ACTA2: variants seen among roughly 807,000 people sequenced by gnomAD.
ACTA2 encodes the protein actin, aortic smooth muscle.
In ACTA2, 12 loss-of-function variants were observed where a neutral mutation model predicts 39.5. That is an observed-to-expected ratio of 0.30 (90% CI 0.19 to 0.49). The LOEUF is 0.49. ACTA2 is among the 20% of genes least tolerant of loss of function. ACTA2 has a pLI of 0.99. For missense variants in ACTA2, 236 were observed against 498.8 expected (o/e 0.47, Z 5.02); for synonymous variants, 158 against 180.6 (o/e 0.88, Z 1.00).
At chr10:88,951,942 C>G (rs1040739143) in intron 1 of ACTA2, among the ~76,000 whole-genome samples, 3 of 152,216 alleles carry the variant, frequency 2.0e-5, no homozygotes, top group African/African-American at 7.2e-5. Flanking sequence ...GCTGGCTGCA[C>G]AGTCACACTT....
intron 1 of ACTA2, chr10:88,989,342 T>A: frequency 3.1e-6 from 1 of 326,442 alleles, no homozygotes; most frequent in Admixed American, 3.9e-5. Context: ...TCCTTCTTTT[T>A]ACATTTTTTT....
chr10:88,956,522 T>C (rs1466901561), upstream of ACTA2, among the ~76,000 whole-genome samples: 2 of 152,208 alleles, frequency 1.3e-5, no homozygotes, highest in Admixed American at 1.3e-4. Context: ...GATTTAATCA[T>C]ATCTGCAAAG....
upstream of ACTA2, among the ~76,000 whole-genome samples, chr10:88,953,955 T>C (rs1411576217): frequency 6.6e-6 from 1 of 152,202 alleles, no homozygotes; most frequent in East Asian, 1.9e-4. Context: ...GTCTTGGGTA[T>C]GTCTTTATAG....
At chr10:88,938,351 GA>G in intron 7 of ACTA2, 109 bp from the exon 8 acceptor site, 1 of 1,242,584 alleles carries the variant, frequency 8.0e-7, no homozygotes, top group South Asian at 1.2e-5. Flanking sequence ...CTGAGGCTGG[GA>G]AGACATAATA....
intron 1 of ACTA2, among the ~76,000 whole-genome samples, chr10:88,978,862 T>C (rs1846638636): frequency 6.6e-6 from 1 of 152,060 alleles, no homozygotes; most frequent in African/African-American, 2.4e-5. Context: ...TTCCTTATTC[T>C]TTCTGTCCTT....
intron 1 of ACTA2, among the ~76,000 whole-genome samples, chr10:88,983,854 C>G (rs897626039): frequency 6.6e-6 from 1 of 152,096 alleles, no homozygotes; most frequent in African/African-American, 2.4e-5. Flanking sequence ...GATTTCAAAG[C>G]CAGGTGGAGG....
chr10:88,985,808 T>C (rs1301457442), intron 1 of ACTA2, among the ~76,000 whole-genome samples: 1 of 152,204 alleles, frequency 6.6e-6, no homozygotes, highest in Non-Finnish European at 1.5e-5. Flanking sequence ...CTGGAGGTTG[T>C]TTGGGGGCAG....
At chr10:88,970,365 A>C (rs1846406047) in intron 1 of ACTA2, among the ~76,000 whole-genome samples, 1 of 151,926 alleles carries the variant, frequency 6.6e-6, no homozygotes, top group Admixed American at 6.6e-5. Flanking sequence ...GTTCCTTTTG[A>C]ATGCAGCAAA....
chr10:88,975,763 G>A (rs545661623), intron 1 of ACTA2, among the ~76,000 whole-genome samples: 1 of 152,274 alleles, frequency 6.6e-6, no homozygotes, highest in Non-Finnish European at 1.5e-5. Flanking sequence ...GGAGATACTT[G>A]ACAGAGCAGG....
intron 1 of ACTA2, chr10:88,974,215 C>T (rs547969149): frequency 1.6e-4 from 24 of 151,380 alleles, no homozygotes; most frequent in African/African-American, 5.3e-4. Context: ...CCCTGACTAA[C>T]GTGGGTGGAA....
chr10:88,958,970 C>G (rs867133541), intron 1 of ACTA2, among the ~76,000 whole-genome samples: 1 of 152,164 alleles, frequency 6.6e-6, no homozygotes, highest in Non-Finnish European at 1.5e-5. Context: ...GTATATTACT[C>G]ATAGGGACTC....
chr10:88,964,434 A>G (rs897089343), intron 1 of ACTA2, among the ~76,000 whole-genome samples: 1 of 152,164 alleles, frequency 6.6e-6, no homozygotes, highest in African/African-American at 2.4e-5. Flanking sequence ...GGGGTGGCAA[A>G]TTGTGGGAAA....
chr10:88,939,420 G>A (rs745368973), intron 7 of ACTA2, 87 bp downstream of exon 7: 60 of 1,560,478 alleles, frequency 3.8e-5, no homozygotes, highest in African/African-American at 1.4e-4. Context: ...TGGGGCAACC[G>A]TCACTTGTCT....
chr10:88,935,191 G>C lies in ACTA2; in HGVS notation c.*32C>G. 1 of 1,611,372 alleles carries C rather than the reference G, an allele frequency of 6.2e-7. No homozygotes were observed. Among genetic ancestry groups the C allele is most frequent in the African/African-American group, 1.3e-5 (1 of 74,934 alleles). ...AATTCCACAGGACATTCACAGTTGT[G>C]TGCTAGAGACAGAGAGGAGCAGGAA... On this transcript the variant is annotated 3_prime_UTR_variant, in exon 9 of 9. Coordinates refer to ENST00000224784, the MANE Select transcript of ACTA2 (RefSeq NM_001613.4).
intron 1 of ACTA2, among the ~76,000 whole-genome samples, chr10:88,985,342 T>C (rs1039714685): frequency 3.9e-5 from 6 of 152,324 alleles, no homozygotes; most frequent in African/African-American, 1.4e-4. Context: ...TATATGCTCA[T>C]ATGCACAGAT....
chr10:88,953,004 T>C (rs1157165190), upstream of ACTA2, among the ~76,000 whole-genome samples: 3 of 152,240 alleles, frequency 2.0e-5, no homozygotes, highest in African/African-American at 4.8e-5. Context: ...CTGTGGGAGA[T>C]AAACACGCCA....
intron 3 of ACTA2, among the ~76,000 whole-genome samples, chr10:88,944,186 C>A (rs548097947): frequency 6.6e-6 from 1 of 152,254 alleles, no homozygotes; most frequent in East Asian, 1.9e-4. Context: ...CTTGATCAAA[C>A]CTTGGGTTCA....
intron 8 of ACTA2, 185 bp from the exon 9 acceptor site, chr10:88,935,551 G>A (rs1386360308): frequency 3.3e-6 from 2 of 612,186 alleles, no homozygotes; most frequent in Non-Finnish European, 5.8e-6. Flanking sequence ...GCCAGAGGGA[G>A]CCATGGATTT....
intron 6 of ACTA2, 128 bp downstream of exon 6, chr10:88,941,101 T>C (rs914353772): frequency 8.8e-7 from 1 of 1,139,644 alleles, no homozygotes; most frequent in Non-Finnish European, 1.3e-6. Context: ...CTTTGCTCTG[T>C]GCATTAGAGC....
Sources: gnomAD v4.1 joint callset for allele counts (sites outside exome capture counted in the v4.1 genomes callset) on GRCh38, gnomAD v4.1.1 for gene constraint, MANE v1.5 for transcripts, NCBI Gene and HGNC (gene_info 2026-07-23, HGNC 2026-07-21) for gene names.